Variants in CLIC5 observed in about 807,000 individuals in gnomAD.
The protein encoded by CLIC5 is chloride intracellular channel protein 5.
A neutral mutation model predicts 24.7 loss-of-function variants in CLIC5; 20 were observed. That is an observed-to-expected ratio of 0.81 (90% confidence interval 0.57 to 1.18). The LOEUF (loss-of-function observed/expected upper bound fraction) is 1.18. Among genes scored for constraint, CLIC5 ranks in the 50% most tolerant of loss-of-function variants. The pLI is 0.00. For missense variants in CLIC5, 341 were observed against 326.1 expected (o/e 1.05, Z -0.35); for synonymous variants, 159 against 135.6 (o/e 1.17, Z -1.20).
At chr6:45,927,156 T>C (rs1321772955) in intron 4 of CLIC5, among the ~76,000 whole-genome samples, 1 of 137,968 alleles carries the variant, frequency 7.2e-6, no homozygotes, top group Non-Finnish European at 1.6e-5. Flanking sequence ...GTTGAAGTGT[T>C]TGTATACTTT....
intron 1 of CLIC5, among the ~76,000 whole-genome samples, chr6:45,984,125 G>A (rs1206546674): frequency 1.3e-5 from 2 of 152,186 alleles, no homozygotes; most frequent in African/African-American, 4.8e-5. Context: ...GTAAAGGAAA[G>A]AGAAAACTAG....
intron 4 of CLIC5, among the ~76,000 whole-genome samples, chr6:45,933,659 G>C (rs1436643616): frequency 1.3e-5 from 2 of 152,170 alleles, no homozygotes; most frequent in Non-Finnish European, 2.9e-5. Flanking sequence ...CGAGTGAAAG[G>C]GGTACATCTT....
At chr6:45,969,105 G>C (rs1029511346) in intron 1 of CLIC5, among the ~76,000 whole-genome samples, 1 of 152,184 alleles carries the variant, frequency 6.6e-6, no homozygotes, top group Admixed American at 6.5e-5. Context: ...TGGCTGAGTA[G>C]AGACTCCACA....
chr6:46,122,614 A>T, the CLIC5 span, among the ~76,000 whole-genome samples: 27 of 152,260 alleles, frequency 1.8e-4, no homozygotes, highest in East Asian at 4.8e-3. Context: ...GACACAAAAA[A>T]CCCTTCAAAA....
At chr6:46,116,334 T>C in the CLIC5 span, among the ~76,000 whole-genome samples, 1 of 152,198 alleles carries the variant, frequency 6.6e-6, no homozygotes, top group Non-Finnish European at 1.5e-5. Context: ...GAATATGGGC[T>C]GTCAAAGTTG....
chr6:45,899,436 A>C lies in CLIC5; in HGVS notation c.*3652T>G, dbSNP rs1762454755. On this transcript the variant is annotated 3_prime_UTR_variant, in exon 6 of 6. Coordinates refer to ENST00000339561, the MANE Select transcript of CLIC5 (RefSeq NM_016929.5). Reference sequence around the variant, plus strand: ...GCCAGTGGGAATTGAGGCGAGTCACAGAAGTACTTACCAAATACTCACCTG... The same window carrying C: ...GCCAGTGGGAATTGAGGCGAGTCACCGAAGTACTTACCAAATACTCACCTG... 1 of 152,262 alleles carries C rather than the reference A, an allele frequency of 6.6e-6. No individual in the cohort carries two copies. Among genetic ancestry groups the C allele is most frequent in the Admixed American group, 6.5e-5 (1 of 15,282 alleles). 9.4% of individuals were successfully genotyped at this position (152,262 alleles called of 1,614,324 possible). A position where few individuals can be genotyped will look rare whatever the true frequency, so the allele number is the denominator to read the frequency against.
chr6:46,056,450 G>A (rs982770085), intron 1 of CLIC5, among the ~76,000 whole-genome samples: 1 of 151,988 alleles, frequency 6.6e-6, no homozygotes, highest in African/African-American at 2.4e-5. Flanking sequence ...CTGCACCCCC[G>A]ACAAACTAGC....
chr6:45,968,279 TA>T (rs1765082959), intron 1 of CLIC5, among the ~76,000 whole-genome samples: 1 of 152,172 alleles, frequency 6.6e-6, no homozygotes, highest in Non-Finnish European at 1.5e-5. Context: ...CATTCACATT[TA>T]AGTATGAATT....
At chr6:45,985,575 T>C (rs1297544554) in intron 1 of CLIC5, among the ~76,000 whole-genome samples, 1 of 152,020 alleles carries the variant, frequency 6.6e-6, no homozygotes, top group Non-Finnish European at 1.5e-5. Flanking sequence ...CTCACCACTC[T>C]GCTTGGGGCC....
intron 2 of CLIC5, among the ~76,000 whole-genome samples, chr6:45,953,228 C>T (rs925435116): frequency 2.0e-5 from 3 of 152,072 alleles, no homozygotes; most frequent in Admixed American, 6.6e-5. Context: ...CAGGATTATA[C>T]ATTATGTGAT....
At chr6:46,069,311 G>A (rs766542586) in intron 1 of CLIC5, among the ~76,000 whole-genome samples, 18 of 152,036 alleles carry the variant, frequency 1.2e-4, no homozygotes, top group Non-Finnish European at 2.2e-4. Context: ...GGTCTGATGT[G>A]CTCTAAAGAA....
chr6:45,959,038 A>G (rs1374630929), intron 1 of CLIC5, among the ~76,000 whole-genome samples: 1 of 152,208 alleles, frequency 6.6e-6, no homozygotes, highest in African/African-American at 2.4e-5. Context: ...CACTAGCCGG[A>G]GACTGTGGTT....
At chr6:46,100,222 A>G in the CLIC5 span, among the ~76,000 whole-genome samples, 2 of 152,202 alleles carry the variant, frequency 1.3e-5, no homozygotes, top group Non-Finnish European at 2.9e-5. Context: ...ACTAGGTCAG[A>G]GCTGCAATGC....
intron 1 of CLIC5, among the ~76,000 whole-genome samples, chr6:46,023,263 G>A (rs76686817): frequency 0.022 from 3,287 of 152,196 alleles, 133 homozygotes; most frequent in African/African-American, 0.076. Context: ...CATGTGTTGG[G>A]AACTCTGAAG....
chr6:46,005,052 G>A (rs947256192), intron 1 of CLIC5, among the ~76,000 whole-genome samples: 9 of 152,228 alleles, frequency 5.9e-5, no homozygotes, highest in African/African-American at 2.2e-4. Flanking sequence ...GGCAGCATTA[G>A]GAAGCAGACG....
At chr6:45,999,509 T>C (rs976799971) in intron 1 of CLIC5, among the ~76,000 whole-genome samples, 1 of 152,110 alleles carries the variant, frequency 6.6e-6, no homozygotes, top group African/African-American at 2.4e-5. Flanking sequence ...GTGTATACAG[T>C]TGACCCTTGC....
intron 1 of CLIC5, among the ~76,000 whole-genome samples, chr6:45,987,872 A>C (rs2127420456): frequency 6.6e-6 from 1 of 152,310 alleles, no homozygotes; most frequent in African/African-American, 2.4e-5. Context: ...AGTCACATTG[A>C]GGATTAGGAT....
intron 1 of CLIC5, among the ~76,000 whole-genome samples, chr6:46,042,629 A>T (rs1048942709): frequency 1.3e-5 from 2 of 152,188 alleles, no homozygotes; most frequent in African/African-American, 4.8e-5. Context: ...TTGCCCTCTC[A>T]ATGAGACAAT....
Position 45,928,934 on chromosome 6 carries a change from C to T in CLIC5, c.406+12613G>A, listed in dbSNP as rs116655299. Among the ~76,000 whole-genome samples, 1,223 of 152,244 alleles carry T rather than the reference C, an allele frequency of 8.0e-3. 14 individuals are homozygous for T. The highest frequency in any genetic ancestry group is 0.028 in the African/African-American group (1,161 of 41,526). On this transcript the variant is annotated intron_variant, in intron 4 of 5. Coordinates refer to ENST00000339561, the MANE Select transcript of CLIC5 (RefSeq NM_016929.5). ...ACTCATGTGCAAATCAGTTATTTAA[C>T]GTTCCTTTATTCCCCAGGTCTTGAT...
Sources: gnomAD v4.1 joint callset for allele counts (sites outside exome capture counted in the v4.1 genomes callset) on GRCh38, gnomAD v4.1.1 for gene constraint, MANE v1.5 for transcripts, NCBI Gene and HGNC (gene_info 2026-07-23, HGNC 2026-07-21) for gene names.